The following PCDH1 variants were observed in gnomAD, a reference collection of about 807,000 sequenced individuals.
PCDH1 encodes protocadherin-1.
A neutral mutation model predicts 74.6 loss-of-function variants in PCDH1; 23 were observed. The ratio of observed to expected loss-of-function variants is 0.31; its 90% CI spans 0.22 to 0.44. The LOEUF (loss-of-function observed/expected upper bound fraction) is 0.44. PCDH1 is among the 20% of genes least tolerant of loss of function. PCDH1 has a pLI of 1.00. For missense variants in PCDH1, 1,214 were observed against 1,641.4 expected, an observed-to-expected ratio of 0.74 and a Z score of 4.50; for synonymous variants, 647 against 686.1, an observed-to-expected ratio of 0.94 and a Z score of 0.89.
At position 141,854,000 on chromosome 5, in the gene PCDH1, G is replaced by GC; in HGVS notation, c.*41dup. 1 of 1,458,350 alleles carries GC rather than the reference G, an allele frequency of 6.9e-7. No individual in the cohort carries two copies. Among genetic ancestry groups the GC allele is most frequent in the Non-Finnish European group, 9.1e-7 (1 of 1,100,380 alleles). 90.3% of individuals were successfully genotyped at this position (1,458,350 alleles called of 1,614,324 possible). A position where few individuals can be genotyped will look rare whatever the true frequency, so the allele number is the denominator to read the frequency against. On this transcript the variant is annotated 3_prime_UTR_variant, in exon 5 of 5. Coordinates refer to ENST00000287008, the MANE Select transcript of PCDH1 (RefSeq NM_032420.5). Reference sequence around the variant, plus strand: ...CCTGGAATGGGCCATTTGGGAGCTGGCCGGCGGCTGGGGGAGGGGGGCCGG... The same window carrying GC: ...CCTGGAATGGGCCATTTGGGAGCTGGCCCGGCGGCTGGGGGAGGGGGGCCGG...
At chr5:141,876,958 C>T (rs888522946) in intron 1 of PCDH1, among the ~76,000 whole-genome samples, 2 of 152,266 alleles carry the variant, frequency 1.3e-5, no homozygotes, top group Non-Finnish European at 2.9e-5. Context: ...CCAGCTTGTT[C>T]CCGGAACACC....
intron 3 of PCDH1, among the ~76,000 whole-genome samples, chr5:141,859,477 T>G (rs1261264356): frequency 2.0e-5 from 3 of 152,182 alleles, no homozygotes; most frequent in Non-Finnish European, 4.4e-5. Flanking sequence ...TCTAGACACT[T>G]GCTGATTATT....
intron 2 of PCDH1, chr5:141,866,050 G>T: frequency 2.0e-6 from 2 of 986,262 alleles, no homozygotes. Flanking sequence ...ATGTGTGTTT[G>T]CACACATGAG....
chr5:141,860,135 G>A (rs575380886), intron 3 of PCDH1, among the ~76,000 whole-genome samples: 1 of 152,206 alleles, frequency 6.6e-6, no homozygotes, highest in South Asian at 2.1e-4. Flanking sequence ...CCATTTCCAT[G>A]TCTTGTACAA....
In PCDH1 at chr5:141,865,119, G is replaced by C. The variant is rs1752763175; in HGVS notation, c.1212C>G (p.Ile404Met). The change falls in exon 3 of 5, where the codon ATC (isoleucine) becomes ATG (methionine). Residue 404 changes from isoleucine to methionine, a missense_variant. Ile to Met is a conservative substitution (Grantham distance 10). Around this residue, in one of 4 missense-constraint regions of PCDH1, gnomAD observed 836 missense variants for 1,182.2 expected, o/e 0.71. Transcript: ENST00000287008. The surrounding 1 kb of genome is among the most constrained non-coding windows in gnomAD (Gnocchi z 4.4). ...LVTHQDGMAN[I>M]SEDVAEETAV... is the part of the protein sequence containing the mutation. ...CTGTCTCCTCTGCCACATCCTCTGA[G>C]ATGTTAGCCATCCCATCTTGATGAG... 2 of 1,614,066 alleles carry C rather than the reference G, an allele frequency of 1.2e-6. No individual in the cohort carries two copies. The highest frequency in any genetic ancestry group is 1.7e-6 in the Non-Finnish European group (2 of 1,180,042).
Position 141,864,404 on chromosome 5 carries a change from C to T in PCDH1, c.1927G>A (p.Glu643Lys). 1.2e-6 allele frequency: 2 copies of T among 1,614,124 alleles called. No homozygotes were observed. The highest frequency in any genetic ancestry group is 8.5e-7 in the Non-Finnish European group (1 of 1,180,000). The change falls in exon 3 of 5, where the codon GAG becomes AAG. Residue 643 changes from glutamate to lysine, a missense_variant. Around this residue, in one of 4 missense-constraint regions of PCDH1, gnomAD observed 836 missense variants for 1,182.2 expected, o/e 0.71. Coordinates refer to ENST00000287008, the MANE Select transcript of PCDH1 (RefSeq NM_032420.5). This position sits in a 1 kb window ranked among gnomAD's most constrained non-coding sequence, Gnocchi z 5.9. ...ACTGAGAGCTGCACCTGGGCATTCTCCCCCTTGTCTCCATCAATGACAGTC... is the reference window on the plus strand; with the variant it reads ...ACTGAGAGCTGCACCTGGGCATTCTTCCCCTTGTCTCCATCAATGACAGTC... Reference protein sequence around the residue: ...MVTVIDGDKGENAQVQLSVEQ... With the variant: ...MVTVIDGDKGKNAQVQLSVEQ...
intron 1 of PCDH1, among the ~76,000 whole-genome samples, chr5:141,876,873 C>T (rs534492200): frequency 9.2e-5 from 14 of 152,232 alleles, no homozygotes; most frequent in Non-Finnish European, 1.9e-4. Context: ...AATCACCGTC[C>T]CAGGCTAGCA....
chr5:141,872,179 C>G (rs1398986061), intron 1 of PCDH1, among the ~76,000 whole-genome samples: 2 of 130,328 alleles, frequency 1.5e-5, no homozygotes, highest in Non-Finnish European at 3.2e-5. Context: ...CTGACTACTT[C>G]AACCCCAACC....
rs765553830 is a variant in PCDH1 at position 141,869,446 on chromosome 5, G to C, written c.41-15C>G. ...AATCAGGAGGGCTGCAAGGGGAAGAGGCAAAACAGAGGCCATGAGCTGGGA... is the reference window on the plus strand; with the variant it reads ...AATCAGGAGGGCTGCAAGGGGAAGACGCAAAACAGAGGCCATGAGCTGGGA... On this transcript the variant is annotated splice_polypyrimidine_tract_variant and intron_variant, in intron 1 of 4. Coordinates refer to ENST00000287008, the MANE Select transcript of PCDH1 (RefSeq NM_032420.5). This position sits in a 1 kb window ranked among gnomAD's most constrained non-coding sequence, Gnocchi z 4.9. The C allele has an allele frequency of 7.5e-6, 12 of 1,595,068 alleles. No homozygotes were observed. In the African/African-American group the frequency reaches 1.5e-4, roughly 20 times the overall value.
intron 2 of PCDH1, chr5:141,867,386 A>T: frequency 6.0e-6 from 2 of 333,602 alleles, no homozygotes; most frequent in South Asian, 4.8e-5. Flanking sequence ...GTGGACTCTG[A>T]ACTCATTAGC....
Position 141,878,239 on chromosome 5 carries a change from C to G in PCDH1, c.24G>C (p.Arg8=). The G allele has an allele frequency of 7.3e-7, 1 of 1,376,954 alleles. No homozygotes were observed. Among genetic ancestry groups the G allele is most frequent in the Non-Finnish European group, 9.4e-7 (1 of 1,066,228 alleles). 85.3% of individuals were successfully genotyped at this position (1,376,954 alleles called of 1,614,324 possible). Reference sequence around the variant, plus strand: ...GATCCTTACCCGCCTCCGGGCAGCGCCGGCCGCCCGCCCCGCTGTCCATGA... The same window carrying G: ...GATCCTTACCCGCCTCCGGGCAGCGGCGGCCGCCCGCCCCGCTGTCCATGA... MDSGAGG[R]RCPEAALLIL... The change falls in exon 1 of 5, where the codon CGG becomes CGC. Residue 8 remains arginine, a synonymous_variant. Transcript: ENST00000287008. The surrounding 1 kb of genome is among the most constrained non-coding windows in gnomAD (Gnocchi z 5.5).
rs1048318520 is a variant in PCDH1, at chr5:141,853,434, C to G, written c.*608G>C. On this transcript the variant is annotated 3_prime_UTR_variant, in exon 5 of 5. Coordinates refer to ENST00000287008, the MANE Select transcript of PCDH1 (RefSeq NM_032420.5). ...TGCATGACCAGCAGGGAATGGGGGC[C>G]CAGATGGGACTAGGCGTGGGCATGT... is the stretch of plus-strand genomic sequence containing the variant. The G allele has an allele frequency of 1.3e-5, 2 of 152,340 alleles. No homozygotes were observed. Among genetic ancestry groups the G allele is most frequent in the Admixed American group, 6.5e-5 (1 of 15,278 alleles). 9.4% of individuals were successfully genotyped at this position (152,340 alleles called of 1,614,324 possible).
Position 141,865,022 on chromosome 5 carries a change from C to T in PCDH1, c.1309G>A (p.Asp437Asn). The T allele has an allele frequency of 2.5e-6, 4 of 1,614,190 alleles. No individual in the cohort carries two copies. Among genetic ancestry groups the T allele is most frequent in the Non-Finnish European group, 3.4e-6 (4 of 1,180,036 alleles). Reference protein sequence around the residue: ...NAAVTCVVAGDVPFQLRQASE... With the variant: ...NAAVTCVVAGNVPFQLRQASE... ...GCCTGGCGCAGCTGGAAGGGCACAT[C>T]ACCTGCCACCACACAGGTGACAGCT... is the stretch of plus-strand genomic sequence containing the variant. Residue 437 changes from aspartate (D) to asparagine (N), a missense_variant, in exon 3 of 5, where the codon GAT (aspartate) becomes AAT (asparagine). By Grantham distance (23) the Asp-to-Asn change is conservative. This residue lies in a region of PCDH1 where 836 missense variants were observed against 1,182.2 expected (regional missense o/e 0.71). Coordinates refer to ENST00000287008, the MANE Select transcript of PCDH1 (RefSeq NM_032420.5). The surrounding 1 kb of genome is among the most constrained non-coding windows in gnomAD (Gnocchi z 4.4).
At chr5:141,873,509 C>T (rs1411825132) in intron 1 of PCDH1, among the ~76,000 whole-genome samples, 2 of 150,960 alleles carry the variant, frequency 1.3e-5, no homozygotes, top group African/African-American at 2.4e-5. Context: ...TGCAGGGGCG[C>T]GATCCCGGCT....
In PCDH1 at chr5:141,864,691, G is replaced by C; in HGVS notation, c.1640C>G (p.Pro547Arg). The C allele has an allele frequency of 1.2e-6, 2 of 1,614,166 alleles. No individual in the cohort carries two copies. Among genetic ancestry groups the C allele is most frequent in the Non-Finnish European group, 1.7e-6 (2 of 1,180,044 alleles). ...SNAELVYSLEPEPAAKGLFTI... is the reference protein window; with the variant it reads ...SNAELVYSLEREPAAKGLFTI... The stretch of plus-strand genomic sequence containing the variant: ...GAAGAGGCCCTTAGCAGCCGGCTCA[G>C]GCTCCAGAGAGTAAACCAGCTCAGC... Residue 547 changes from proline (P) to arginine (R), a missense_variant, in exon 3 of 5, where the codon CCT becomes CGT. Pro to Arg is a moderately radical substitution (Grantham distance 103, BLOSUM62 -2). This residue lies in a region of PCDH1 where 836 missense variants were observed against 1,182.2 expected (regional missense o/e 0.71). Coordinates refer to ENST00000287008, the MANE Select transcript of PCDH1 (RefSeq NM_032420.5). This position sits in a 1 kb window ranked among gnomAD's most constrained non-coding sequence, Gnocchi z 5.9.
chr5:141,862,883 C>T, intron 3 of PCDH1: 1 of 1,186,060 alleles, frequency 8.4e-7, no homozygotes, highest in Non-Finnish European at 1.0e-6. Flanking sequence ...TTGGAGTAGA[C>T]TTCTTACCCA....
chr5:141,862,843 C>G, intron 3 of PCDH1: 1 of 1,101,160 alleles, frequency 9.1e-7, no homozygotes, highest in Non-Finnish European at 1.1e-6. Flanking sequence ...AGAGAAGCAC[C>G]TAGGTCTGGT....
At chr5:141,862,993 C>A in intron 3 of PCDH1, 3 of 1,260,814 alleles carry the variant, frequency 2.4e-6, no homozygotes, top group African/African-American at 3.0e-5. Flanking sequence ...AGGTCTCTCC[C>A]CAGTGGGGAG....
intron 2 of PCDH1, chr5:141,867,519 G>A (rs769849011): frequency 5.2e-5 from 23 of 444,748 alleles, no homozygotes; most frequent in East Asian, 4.9e-4. Context: ...TGTTTAGAAC[G>A]GTGCCTGGCA....
Sources: allele counts gnomAD v4.1 joint callset (sites outside exome capture counted in the v4.1 genomes callset), GRCh38; gene constraint gnomAD v4.1.1; regional missense constraint gnomAD v4.1.1; non-coding constraint Gnocchi (gnomAD v3.1); transcripts MANE v1.5; gene names NCBI Gene and HGNC (gene_info 2026-07-23, HGNC 2026-07-21).